The following RAB3IP variants were observed in gnomAD, a reference collection of about 807,000 sequenced individuals.
The protein encoded by RAB3IP is RAB3A interacting protein.
Under a neutral mutation model 59.1 loss-of-function variants are expected in RAB3IP, and 36 were observed. That is an observed-to-expected ratio of 0.61 (90% CI 0.47 to 0.80). The LOEUF is 0.80. RAB3IP is among the 30% of genes least tolerant of loss of function. The probability of loss-of-function intolerance (pLI) is 0.00; values close to 1 mark genes in which losing one functional copy is unlikely to be tolerated. For missense variants in RAB3IP, 511 were observed against 536.0 expected, an observed-to-expected ratio of 0.95 and a Z score of 0.46; for synonymous variants, 207 against 191.2, an observed-to-expected ratio of 1.08 and a Z score of -0.68.
At chr12:69,747,799 A>G (rs987282857) in intron 1 of RAB3IP, among the ~76,000 whole-genome samples, 29 of 152,176 alleles carry the variant, frequency 1.9e-4, no homozygotes, top group East Asian at 9.6e-4. Context: ...ATTTGATCCA[A>G]TTCTACACTG....
intron 1 of RAB3IP, among the ~76,000 whole-genome samples, chr12:69,750,329 T>C (rs1003562159): frequency 5.3e-5 from 8 of 152,198 alleles, no homozygotes; most frequent in Non-Finnish European, 1.2e-4. Flanking sequence ...ATCCAAGTAA[T>C]CTTATTTCAT....
At chr12:69,810,341 G>T (rs1483821152) in intron 8 of RAB3IP, among the ~76,000 whole-genome samples, 6 of 152,178 alleles carry the variant, frequency 3.9e-5, no homozygotes, top group Middle Eastern at 3.2e-3. Flanking sequence ...GCTACTCGGG[G>T]GTCAGGGAGC....
intron 4 of RAB3IP, among the ~76,000 whole-genome samples, chr12:69,787,076 G>A (rs930621388): frequency 5.3e-5 from 8 of 152,094 alleles, no homozygotes; most frequent in South Asian, 4.1e-4. Context: ...CACTTTATAT[G>A]TGTGTGTTTG....
rs115631524 is a variant in RAB3IP, at chr12:69,745,773, C to G, written c.-26+6742C>G. Among the ~76,000 whole-genome samples, 1,497 of 152,214 alleles carry G rather than the reference C, an allele frequency of 9.8e-3. 26 individuals carry two copies. Among genetic ancestry groups the G allele is most frequent in the African/African-American group, 0.034 (1,427 of 41,520 alleles). On this transcript the variant is annotated intron_variant, in intron 1 of 10. Transcript: ENST00000247833. ...TTACTGCACCCAGGATTGTTCACTT[C>G]TTAGAGATCCTTTGCTGTGCTTTAA...
chr12:69,746,748 T>C (rs1257930638), intron 1 of RAB3IP, among the ~76,000 whole-genome samples: 3 of 152,362 alleles, frequency 2.0e-5, no homozygotes, highest in South Asian at 4.1e-4. Flanking sequence ...TCATGGAATT[T>C]ATAACAGTTC....
intron 4 of RAB3IP, among the ~76,000 whole-genome samples, chr12:69,791,189 T>G (rs1876552931): frequency 6.6e-6 from 1 of 152,060 alleles, no homozygotes; most frequent in South Asian, 2.1e-4. Flanking sequence ...GAAAAATCAA[T>G]TCAAATGGAT....
intron 4 of RAB3IP, among the ~76,000 whole-genome samples, chr12:69,792,235 C>T (rs1266632095): frequency 2.0e-5 from 3 of 152,086 alleles, no homozygotes; most frequent in South Asian, 2.1e-4. Context: ...ACCCAATGTA[C>T]AGCACGACTA....
Position 69,756,356 on chromosome 12 carries a change from A to G in RAB3IP, c.252-49A>G, listed in dbSNP as rs370128734. ...AGAGCTGTGTGTTTAAGCCAGTTCT[A>G]TTGGAGCATATGCTGATATTTTCTG... On this transcript the variant is annotated intron_variant, in intron 2 of 10. Coordinates refer to ENST00000247833, the MANE Select transcript of RAB3IP (RefSeq NM_022456.5). 2,242 of 1,588,754 alleles carry G rather than the reference A, an allele frequency of 1.4e-3. 3 individuals are homozygous for G. The highest frequency in any genetic ancestry group is 1.8e-3 in the Non-Finnish European group (2,114 of 1,167,488).
At chr12:69,763,989 T>A (rs1871791306) in intron 3 of RAB3IP, among the ~76,000 whole-genome samples, 1 of 152,244 alleles carries the variant, frequency 6.6e-6, no homozygotes, top group Non-Finnish European at 1.5e-5. Flanking sequence ...TGCACTACAT[T>A]TTCTTTATCT....
intron 4 of RAB3IP, among the ~76,000 whole-genome samples, chr12:69,787,459 T>C (rs1341454806): frequency 1.3e-5 from 2 of 152,198 alleles, no homozygotes; most frequent in East Asian, 3.8e-4. Context: ...GGCAGATTAT[T>C]ATCATTTTAT....
intron 3 of RAB3IP, among the ~76,000 whole-genome samples, chr12:69,761,403 G>A (rs1428818471): frequency 6.6e-6 from 1 of 152,094 alleles, no homozygotes; most frequent in Non-Finnish European, 1.5e-5. Context: ...GTCTTTTATT[G>A]CCTAATATCA....
At chr12:69,782,809 GTTTTGTTTTT>G (rs1369095931) in intron 3 of RAB3IP, among the ~76,000 whole-genome samples, 1 of 150,290 alleles carries the variant, frequency 6.7e-6, no homozygotes. Context: ...CAGTTTTTTT[GTTTTGTTTTT>G]TTTTGTTTTT....
Position 69,784,744 on chromosome 12 carries a change from TGTGAGAGGCTTTCAAAA to T in RAB3IP, c.539_555del (p.Glu180AlafsTer14). 6.2e-7 allele frequency: 1 copy of T among 1,607,102 alleles called. No homozygotes were observed. Among genetic ancestry groups the T allele is most frequent in the Non-Finnish European group, 8.5e-7 (1 of 1,175,756 alleles). On this transcript the variant is annotated frameshift_variant, in exon 4 of 11. Transcript: ENST00000247833. LOFTEE classifies it high-confidence loss of function. The stretch of plus-strand genomic sequence containing the variant: ...GGAACTGAAGTTAAAAGATGAAGAA[TGTGAGAGGCTTTCAAAA>T]GTGCGAGATCAACTTGGACAGGAAT...
At chr12:69,756,360 G>A (rs757749727) in intron 2 of RAB3IP, 45 bp from the exon 3 acceptor site, 16 of 1,595,498 alleles carry the variant, frequency 1.0e-5, no homozygotes, top group Admixed American at 3.4e-5. Flanking sequence ...AGTTCTATTG[G>A]AGCATATGCT....
intron 8 of RAB3IP, among the ~76,000 whole-genome samples, chr12:69,804,197 G>A (rs1169573582): frequency 6.6e-6 from 1 of 152,196 alleles, no homozygotes; most frequent in African/African-American, 2.4e-5. Flanking sequence ...CATTCTAACT[G>A]GTGTGAGATG....
At chr12:69,738,342 G>C (rs774279750), upstream of RAB3IP, 1 of 152,126 alleles carries the variant, frequency 6.6e-6, no homozygotes, top group African/African-American at 2.4e-5. Context: ...AGAGAAGACA[G>C]GTACAGACAT....
At position 69,819,167 on chromosome 12, in the gene RAB3IP, G is replaced by C. The variant is rs1881442612; in HGVS notation, c.*3721G>C. On this transcript the variant is annotated 3_prime_UTR_variant, in exon 11 of 11. Transcript: ENST00000247833. ...ACATCGGTGGTGTATTATGAATCAA[G>C]CATTATTACTAGCTCAGTTATATGT... The C allele has an allele frequency of 6.6e-6, 1 of 152,134 alleles. No individual in the cohort carries two copies. Among genetic ancestry groups the C allele is most frequent in the African/African-American group, 2.4e-5 (1 of 41,416 alleles). 9.4% of individuals were successfully genotyped at this position (152,134 alleles called of 1,614,324 possible).
chr12:69,809,836 T>G (rs188403620), intron 8 of RAB3IP, among the ~76,000 whole-genome samples: 206 of 152,278 alleles, frequency 1.4e-3, no homozygotes, highest in African/African-American at 4.2e-3. Flanking sequence ...TCTTTGCCAT[T>G]GGTTCGAACT....
At chr12:69,813,281 G>T (rs546736758) in intron 10 of RAB3IP, among the ~76,000 whole-genome samples, 74 of 152,234 alleles carry the variant, frequency 4.9e-4, no homozygotes, top group Middle Eastern at 3.4e-3. Flanking sequence ...ATTTTAAGCA[G>T]GGTCAGTTTT....
Sources: allele counts gnomAD v4.1 joint callset (sites outside exome capture counted in the v4.1 genomes callset), GRCh38; gene constraint gnomAD v4.1.1; transcripts MANE v1.5; gene names NCBI Gene and HGNC (gene_info 2026-07-23, HGNC 2026-07-21).